VPS13B: variants seen among roughly 807,000 people sequenced by gnomAD.
VPS13B encodes the protein intermembrane lipid transfer protein VPS13B.
In VPS13B, 285 loss-of-function variants were observed where a neutral mutation model predicts 426.4. The ratio of observed to expected loss-of-function variants is 0.67; its 90% CI spans 0.61 to 0.74. The LOEUF (loss-of-function observed/expected upper bound fraction) is 0.74. Among genes scored for constraint, VPS13B ranks in the 30% least tolerant of loss-of-function variants. The pLI, the probability that VPS13B is intolerant of heterozygous loss-of-function variation, is 0.00. For missense variants in VPS13B, 4,537 were observed against 4,782.6 expected (o/e 0.95, Z 1.51); for synonymous variants, 1,676 against 1,676.4 (o/e 1.00, Z 0.01).
At chr8:99,627,392 G>A (rs1171380343) in intron 33 of VPS13B, among the ~76,000 whole-genome samples, 1 of 151,948 alleles carries the variant, frequency 6.6e-6, no homozygotes, top group African/African-American at 2.4e-5. Context: ...ATTTAATCAT[G>A]CCACATTTTA....
intron 39 of VPS13B, among the ~76,000 whole-genome samples, chr8:99,753,820 T>G (rs1165831217): frequency 6.6e-6 from 1 of 152,296 alleles, no homozygotes; most frequent in East Asian, 1.9e-4. Context: ...GAGTCTTGTT[T>G]GTACTTAGAG....
At chr8:99,190,266 C>T (rs948167911) in intron 16 of VPS13B, among the ~76,000 whole-genome samples, 1 of 150,548 alleles carries the variant, frequency 6.6e-6, no homozygotes. Context: ...TTTGCTCGTT[C>T]GTTTACTCCT....
intron 3 of VPS13B, among the ~76,000 whole-genome samples, chr8:99,087,447 A>G (rs1274569391): frequency 1.3e-5 from 2 of 151,852 alleles, no homozygotes; most frequent in African/African-American, 4.8e-5. Context: ...CACGCTTGGT[A>G]CGCTGCACCC....
At chr8:99,200,018 A>G (rs1277500303) in intron 17 of VPS13B, among the ~76,000 whole-genome samples, 1 of 152,164 alleles carries the variant, frequency 6.6e-6, no homozygotes, top group African/African-American at 2.4e-5. Flanking sequence ...CCCTGAATGA[A>G]TCCTTGCATT....
intron 17 of VPS13B, among the ~76,000 whole-genome samples, chr8:99,201,904 G>A (rs932597035): frequency 6.6e-6 from 1 of 152,144 alleles, no homozygotes; most frequent in Non-Finnish European, 1.5e-5. Context: ...AGGTCAGTTT[G>A]TTTCATTAAG....
rs1177759534 is a variant in VPS13B, at chr8:99,784,306, T to G, written c.7780-9T>G. On this transcript the variant is annotated splice_polypyrimidine_tract_variant and intron_variant, in intron 42 of 61. Transcript: ENST00000357162. ...ATCCATGTTGGCTTTCGTATCCTTT[T>G]TCTTTCAGAACAAATGCCCTGAGGT... The G allele has an allele frequency of 6.2e-7, 1 of 1,613,478 alleles. No individual in the cohort carries two copies. Among genetic ancestry groups the G allele is most frequent in the Non-Finnish European group, 8.5e-7 (1 of 1,179,624 alleles).
At chr8:99,072,661 C>A (rs1289452208) in intron 3 of VPS13B, among the ~76,000 whole-genome samples, 1 of 152,110 alleles carries the variant, frequency 6.6e-6, no homozygotes, top group Non-Finnish European at 1.5e-5. Context: ...ACCGTAAAAT[C>A]TTTGCCTAGA....
chr8:99,369,774 C>A (rs1395012749), intron 19 of VPS13B, among the ~76,000 whole-genome samples: 1 of 152,162 alleles, frequency 6.6e-6, no homozygotes, highest in African/African-American at 2.4e-5. Context: ...TCATCTATAG[C>A]AAAATGTTAA....
intron 3 of VPS13B, among the ~76,000 whole-genome samples, chr8:99,060,932 G>A (rs1844149319): frequency 6.6e-6 from 1 of 152,068 alleles, no homozygotes; most frequent in African/African-American, 2.4e-5. Flanking sequence ...TTTCATCAGG[G>A]ACTTTCTAAG....
At chr8:99,188,321 GAAT>G (rs1224421620) in intron 16 of VPS13B, among the ~76,000 whole-genome samples, 1 of 151,908 alleles carries the variant, frequency 6.6e-6, no homozygotes, top group East Asian at 1.9e-4. Flanking sequence ...TATAATAACA[GAAT>G]AATATAATAT....
intron 3 of VPS13B, among the ~76,000 whole-genome samples, chr8:99,045,489 C>T (rs915640905): frequency 2.0e-5 from 3 of 152,008 alleles, no homozygotes; most frequent in Non-Finnish European, 2.9e-5. Flanking sequence ...AGATTTTCTC[C>T]GACTCTGTGG....
chr8:99,144,973 G>A (rs1157305246), intron 13 of VPS13B, among the ~76,000 whole-genome samples: 1 of 152,188 alleles, frequency 6.6e-6, no homozygotes, highest in Non-Finnish European at 1.5e-5. Context: ...ACTTGTGAAT[G>A]ATGTAACGGA....
rs1368428544 is a variant in VPS13B, at chr8:99,653,707, A to G, written c.5909-7647A>G. ...ATAAAGAATACACTTCCTTCTAGCA[A>G]GATATGAAAGACTTGGTTCTAAAAG... On this transcript the variant is annotated intron_variant, in intron 34 of 61. Coordinates refer to ENST00000357162, the MANE Select transcript of VPS13B (RefSeq NM_152564.5). Among the ~76,000 whole-genome samples, 4 of 152,156 alleles carry G rather than the reference A, an allele frequency of 2.6e-5. No homozygotes were observed. In the South Asian group the frequency reaches 6.2e-4, roughly 24 times the overall value.
At chr8:99,101,288 C>G (rs532789998) in intron 4 of VPS13B, among the ~76,000 whole-genome samples, 1 of 152,028 alleles carries the variant, frequency 6.6e-6, no homozygotes, top group Non-Finnish European at 1.5e-5. Context: ...CCTGCCACCA[C>G]GCCCGGCTAA....
At chr8:99,290,910 A>G (rs1025192009) in intron 19 of VPS13B, among the ~76,000 whole-genome samples, 5 of 152,104 alleles carry the variant, frequency 3.3e-5, no homozygotes, top group East Asian at 1.9e-4. Context: ...TTTGTGCCTG[A>G]TAAGATAAGA....
chr8:99,515,408 C>G (rs1349651749), intron 29 of VPS13B, among the ~76,000 whole-genome samples: 1 of 151,562 alleles, frequency 6.6e-6, no homozygotes, highest in Admixed American at 6.6e-5. Context: ...GCTTCCTCCT[C>G]CTCCTCCTCC....
chr8:99,356,395 G>A (rs1256357469), intron 19 of VPS13B, among the ~76,000 whole-genome samples: 4 of 152,090 alleles, frequency 2.6e-5, no homozygotes, highest in Non-Finnish European at 4.4e-5. Flanking sequence ...CACCTGTAAC[G>A]TTAGCACTTT....
At chr8:99,537,500 A>T (rs1823317736) in intron 30 of VPS13B, among the ~76,000 whole-genome samples, 1 of 152,224 alleles carries the variant, frequency 6.6e-6, no homozygotes, top group South Asian at 2.1e-4. Context: ...TCAAAGAAGA[A>T]ATTACATTAT....
At chr8:99,452,091 C>A (rs1818225635) in intron 23 of VPS13B, among the ~76,000 whole-genome samples, 1 of 152,132 alleles carries the variant, frequency 6.6e-6, no homozygotes, top group African/African-American at 2.4e-5. Context: ...TACGAATTGG[C>A]CCTGCCCACC....
Sources: gnomAD v4.1 joint callset for allele counts (sites outside exome capture counted in the v4.1 genomes callset) on GRCh38, gnomAD v4.1.1 for gene constraint, MANE v1.5 for transcripts, NCBI Gene and HGNC (gene_info 2026-07-23, HGNC 2026-07-21) for gene names.